PAX3: variants seen among roughly 807,000 people sequenced by gnomAD.
PAX3 encodes paired box 3.
PAX3 carries 14 observed loss-of-function variants against 51.6 expected under a neutral mutation model. The ratio of observed to expected loss-of-function variants is 0.27; its 90% CI spans 0.18 to 0.42. The LOEUF is 0.42. Ranked by LOEUF, PAX3 falls within the 10% of genes least tolerant of loss-of-function variation. The pLI is 1.00. For missense variants in PAX3, 540 were observed against 642.8 expected (o/e 0.84, Z 1.73); for synonymous variants, 280 against 253.4 (o/e 1.11, Z -1.00).
chr2:222,225,825 T>C (rs1418284210), intron 5 of PAX3, among the ~76,000 whole-genome samples: 4 of 152,236 alleles, frequency 2.6e-5, no homozygotes, highest in Admixed American at 2.6e-4. Context: ...CACTTCTATC[T>C]GAGAAAACCA....
At chr2:222,242,122 G>A (rs1278907077) in intron 4 of PAX3, among the ~76,000 whole-genome samples, 1 of 152,116 alleles carries the variant, frequency 6.6e-6, no homozygotes, top group African/African-American at 2.4e-5. Flanking sequence ...AAACCATGTT[G>A]TAAAAGACTA....
Position 222,298,757 on chromosome 2 carries a change from G to T in PAX3, c.-142C>A. On this transcript the variant is annotated 5_prime_UTR_variant, in exon 1 of 9. Coordinates refer to ENST00000392070, the MANE Select transcript of PAX3 (RefSeq NM_181458.4). ...GCTGGAGAGAGAGGGAGGGACGCGG[G>T]GAGGGGGGCTGTCGGTTCCTAGTCC... The T allele has an allele frequency of 1.3e-6, 1 of 788,812 alleles. No individual in the cohort carries two copies. The highest frequency in any genetic ancestry group is 2.1e-6 in the Non-Finnish European group (1 of 471,590). 48.9% of individuals were successfully genotyped at this position (788,812 alleles called of 1,614,324 possible).
chr2:222,213,982 C>A (rs1691853346), intron 7 of PAX3, among the ~76,000 whole-genome samples: 1 of 152,112 alleles, frequency 6.6e-6, no homozygotes, highest in Non-Finnish European at 1.5e-5. Context: ...AATTACCAAG[C>A]CATAGTAGGA....
chr2:222,296,853 C>T, intron 2 of PAX3, 125 bp downstream of exon 2: 2 of 834,034 alleles, frequency 2.4e-6, no homozygotes, highest in Non-Finnish European at 3.9e-6. Flanking sequence ...CCTTTACGCA[C>T]CTTCACAAAC....
At chr2:222,276,700 A>G (rs1006013750) in intron 4 of PAX3, among the ~76,000 whole-genome samples, 22 of 152,242 alleles carry the variant, frequency 1.4e-4, no homozygotes, top group African/African-American at 5.3e-4. Flanking sequence ...AGAAACATCT[A>G]GAAAGTGCCT....
chr2:222,295,692 G>A (rs986197020), intron 2 of PAX3, 35 bp from the exon 3 acceptor site: 5 of 1,613,186 alleles, frequency 3.1e-6, no homozygotes, highest in African/African-American at 1.3e-5. Context: ...GTTGGTACCC[G>A]GTACCCTGGG....
At chr2:222,257,930 G>A (rs966669620) in intron 4 of PAX3, among the ~76,000 whole-genome samples, 3 of 152,222 alleles carry the variant, frequency 2.0e-5, no homozygotes, top group African/African-American at 7.2e-5. Flanking sequence ...GAGGAGCTTT[G>A]TAATAGGGAT....
chr2:222,252,721 A>G (rs931710619), intron 4 of PAX3, among the ~76,000 whole-genome samples: 2 of 152,024 alleles, frequency 1.3e-5, no homozygotes, highest in South Asian at 2.1e-4. Context: ...CTTTTTTCCC[A>G]TGAGGGCCCA....
intron 4 of PAX3, among the ~76,000 whole-genome samples, chr2:222,247,573 G>T (rs1441685177): frequency 6.6e-6 from 1 of 152,100 alleles, no homozygotes; most frequent in East Asian, 1.9e-4. Context: ...CAACTGGCTT[G>T]GTGGCAAGTT....
intron 4 of PAX3, among the ~76,000 whole-genome samples, chr2:222,287,076 C>T (rs966846883): frequency 2.6e-5 from 4 of 152,210 alleles, no homozygotes; most frequent in African/African-American, 9.6e-5. Context: ...AGGTGTTCTG[C>T]TTCCAGTAAA....
chr2:222,239,537 A>AC (rs1304226367), intron 4 of PAX3, among the ~76,000 whole-genome samples: 1 of 152,158 alleles, frequency 6.6e-6, no homozygotes, highest in African/African-American at 2.4e-5. Context: ...TGGAAAAAAA[A>AC]CAGAGATTTA....
intron 4 of PAX3, among the ~76,000 whole-genome samples, chr2:222,240,467 C>A (rs898628071): frequency 6.6e-6 from 1 of 152,168 alleles, no homozygotes; most frequent in South Asian, 2.1e-4. Flanking sequence ...CATTGGTCAT[C>A]GAAAAGTCCT....
At chr2:222,278,178 G>T (rs1038110453) in intron 4 of PAX3, among the ~76,000 whole-genome samples, 1 of 152,026 alleles carries the variant, frequency 6.6e-6, no homozygotes, top group African/African-American at 2.4e-5. Context: ...GACCCTTTTG[G>T]CTTACATGCT....
At chr2:222,206,459 T>C (rs774177632) in intron 7 of PAX3, among the ~76,000 whole-genome samples, 1 of 152,174 alleles carries the variant, frequency 6.6e-6, no homozygotes, top group Non-Finnish European at 1.5e-5. Context: ...ACATACTGTT[T>C]CTAAATTGTT....
chr2:222,239,034 C>T lies in PAX3; in HGVS notation c.587-6751G>A, dbSNP rs536828456. 2.6e-5 allele frequency among the ~76,000 whole-genome samples: 4 copies of T among 152,278 alleles called. No homozygotes were observed. The East Asian group carries it at 7.7e-4, about 29-fold the overall frequency. On this transcript the variant is annotated intron_variant, in intron 4 of 8. Transcript: ENST00000392070. Reference sequence around the variant, plus strand: ...GTGAATGACCTCTCTCGTGTTTACTCGGGTGAAAGTCAGGAGGAGTGAAGC... The same window carrying T: ...GTGAATGACCTCTCTCGTGTTTACTTGGGTGAAAGTCAGGAGGAGTGAAGC...
At chr2:222,269,483 G>A (rs1396224266) in intron 4 of PAX3, among the ~76,000 whole-genome samples, 4 of 152,160 alleles carry the variant, frequency 2.6e-5, no homozygotes, top group Non-Finnish European at 5.9e-5. Context: ...CGGTCACCAT[G>A]GCTAAAGGCT....
At chr2:222,255,732 G>A (rs530331558) in intron 4 of PAX3, among the ~76,000 whole-genome samples, 1 of 151,512 alleles carries the variant, frequency 6.6e-6, no homozygotes, top group East Asian at 1.9e-4. Context: ...CATAGCACAT[G>A]CTATTTCACA....
At chr2:222,281,707 T>TA (rs1230325416) in intron 4 of PAX3, among the ~76,000 whole-genome samples, 1 of 152,212 alleles carries the variant, frequency 6.6e-6, no homozygotes, top group Admixed American at 6.5e-5. Context: ...CTTTTACAGG[T>TA]AGTAATCAGA....
At chr2:222,204,515 G>C (rs1691429695) in intron 7 of PAX3, among the ~76,000 whole-genome samples, 1 of 152,250 alleles carries the variant, frequency 6.6e-6, no homozygotes, top group African/African-American at 2.4e-5. Context: ...GAGTCTTTAA[G>C]TTAGAGGTTG....
Sources: allele counts gnomAD v4.1 joint callset (sites outside exome capture counted in the v4.1 genomes callset), GRCh38; gene constraint gnomAD v4.1.1; transcripts MANE v1.5; gene names NCBI Gene and HGNC (gene_info 2026-07-23, HGNC 2026-07-21).